TMEM132D: variants seen among roughly 807,000 people sequenced by gnomAD.
The protein encoded by TMEM132D is transmembrane protein 132D, also known as mature OL transmembrane protein.
A neutral mutation model predicts 62.3 loss-of-function variants in TMEM132D; 21 were observed. That is an observed-to-expected ratio of 0.34 (90% CI 0.24 to 0.49). TMEM132D has a LOEUF of 0.49. Ranked by LOEUF, TMEM132D falls within the 20% of genes least tolerant of loss-of-function variation. TMEM132D has a pLI of 0.99. For missense variants in TMEM132D, 1,346 were observed against 1,402.8 expected (o/e 0.96, Z 0.65); for synonymous variants, 621 against 575.6 (o/e 1.08, Z -1.13).
chr12:129,151,410 G>A lies in TMEM132D; in HGVS notation c.1443+58110C>T, dbSNP rs76510702. Among the ~76,000 whole-genome samples, 308 of 152,308 alleles carry A rather than the reference G, an allele frequency of 2.0e-3. 1 individual carries two copies. Among genetic ancestry groups the A allele is most frequent in the African/African-American group, 7.2e-3 (298 of 41,568 alleles). ...GTGAGCATGATCAACTGAAGGGGAC[G>A]TGAGGTGCAGAGAGGGGGCTGGGAG... On this transcript the variant is annotated intron_variant, in intron 5 of 8. Transcript: ENST00000422113.
At chr12:129,797,215 C>T (rs140507445) in intron 1 of TMEM132D, among the ~76,000 whole-genome samples, 28 of 152,272 alleles carry the variant, frequency 1.8e-4, no homozygotes, top group African/African-American at 6.7e-4. Flanking sequence ...CCCCTCTTTA[C>T]TTTCAGGGTC....
intron 2 of TMEM132D, among the ~76,000 whole-genome samples, chr12:129,577,625 T>C (rs1392468406): frequency 2.0e-5 from 3 of 151,898 alleles, no homozygotes; most frequent in Admixed American, 6.6e-5. Flanking sequence ...CTGCATATAT[T>C]ATTTGCATTC....
intron 5 of TMEM132D, among the ~76,000 whole-genome samples, chr12:129,184,012 A>T (rs1221678527): frequency 6.6e-6 from 1 of 152,180 alleles, no homozygotes; most frequent in Non-Finnish European, 1.5e-5. Flanking sequence ...AGAAGGGGCA[A>T]ATCTTTCTGT....
At chr12:129,734,220 C>T (rs537440300) in intron 1 of TMEM132D, among the ~76,000 whole-genome samples, 59 of 152,244 alleles carry the variant, frequency 3.9e-4, no homozygotes, top group African/African-American at 1.2e-3. Flanking sequence ...TGGTATTTGA[C>T]CTAAGGAAAG....
At chr12:129,087,876 T>A (rs1414763597) in intron 5 of TMEM132D, among the ~76,000 whole-genome samples, 2 of 127,218 alleles carry the variant, frequency 1.6e-5, no homozygotes, top group Non-Finnish European at 3.2e-5. Context: ...CATGACCGGG[T>A]GTCCTCCCTG....
At chr12:129,232,701 T>C (rs1242520180) in intron 4 of TMEM132D, among the ~76,000 whole-genome samples, 2 of 152,184 alleles carry the variant, frequency 1.3e-5, no homozygotes, top group Non-Finnish European at 2.9e-5. Flanking sequence ...AACTGGGTAA[T>C]TTATAAACAA....
At chr12:129,191,941 A>G (rs4964857) in intron 5 of TMEM132D, among the ~76,000 whole-genome samples, 141,716 of 152,330 alleles carry the variant, frequency 0.93, 66,052 homozygotes, top group East Asian at 0.96. Context: ...TGTTTATGCC[A>G]AAGACTCTTC....
intron 2 of TMEM132D, among the ~76,000 whole-genome samples, chr12:129,668,429 T>C (rs1255691517): frequency 6.6e-6 from 1 of 151,590 alleles, no homozygotes; most frequent in Non-Finnish European, 1.5e-5. Flanking sequence ...TTTGGTCCTT[T>C]TCAAAAGACA....
chr12:129,135,813 C>T (rs61944808), intron 5 of TMEM132D, among the ~76,000 whole-genome samples: 27,653 of 152,072 alleles, frequency 0.18, 2,690 homozygotes, highest in African/African-American at 0.22. Flanking sequence ...GCTGATAGAC[C>T]GTATCAGCTC....
At chr12:129,747,259 G>C (rs1399293681) in intron 1 of TMEM132D, among the ~76,000 whole-genome samples, 2 of 37,770 alleles carry the variant, frequency 5.3e-5, no homozygotes, top group African/African-American at 1.3e-4. Context: ...CGGGGCAGCT[G>C]CCAGCCCAGC....
intron 1 of TMEM132D, among the ~76,000 whole-genome samples, chr12:129,710,001 C>T (rs1881602743): frequency 6.6e-6 from 1 of 152,076 alleles, no homozygotes; most frequent in Non-Finnish European, 1.5e-5. Flanking sequence ...ATGACCAGCC[C>T]TAGCAAATGA....
At chr12:129,524,676 C>T (rs11060397) in intron 3 of TMEM132D, among the ~76,000 whole-genome samples, 42,889 of 151,598 alleles carry the variant, frequency 0.28, 6,281 homozygotes, top group Non-Finnish European at 0.32. Flanking sequence ...GGTCACAGGA[C>T]GCAGGTTTTA....
At chr12:129,706,280 T>C (rs1399422755) in intron 1 of TMEM132D, among the ~76,000 whole-genome samples, 2 of 151,834 alleles carry the variant, frequency 1.3e-5, no homozygotes, top group Admixed American at 6.5e-5. Context: ...ATTTTAAAAA[T>C]TAATGAATAA....
chr12:129,685,167 C>T (rs566346637), intron 2 of TMEM132D, among the ~76,000 whole-genome samples: 48 of 152,158 alleles, frequency 3.2e-4, no homozygotes, highest in Non-Finnish European at 5.0e-4. Flanking sequence ...GCCTAAGTAA[C>T]GGGGAGCCAA....
intron 2 of TMEM132D, among the ~76,000 whole-genome samples, chr12:129,552,959 G>A (rs980755566): frequency 6.6e-6 from 1 of 152,070 alleles, no homozygotes; most frequent in South Asian, 2.1e-4. Context: ...GTCATCCACG[G>A]TCCAGATCCA....
intron 4 of TMEM132D, among the ~76,000 whole-genome samples, chr12:129,311,902 T>C (rs150046170): frequency 2.6e-5 from 4 of 152,238 alleles, no homozygotes; most frequent in South Asian, 2.1e-4. Context: ...TCAAACAGGC[T>C]TGTGGGGACC....
chr12:129,869,313 C>A (rs536861128), intron 1 of TMEM132D, among the ~76,000 whole-genome samples: 4 of 152,300 alleles, frequency 2.6e-5, no homozygotes, highest in Admixed American at 2.6e-4. Flanking sequence ...TTTTCAGCTT[C>A]AATCCCTTGG....
chr12:129,210,678 G>A (rs1879014384), intron 4 of TMEM132D, among the ~76,000 whole-genome samples: 1 of 151,922 alleles, frequency 6.6e-6, no homozygotes, highest in Non-Finnish European at 1.5e-5. Context: ...AGCTCCATGG[G>A]GCTGTATCTG....
At chr12:129,685,131 G>T (rs1276174803) in intron 2 of TMEM132D, among the ~76,000 whole-genome samples, 5 of 152,300 alleles carry the variant, frequency 3.3e-5, no homozygotes, top group African/African-American at 9.6e-5. Context: ...TTTCTGAGGA[G>T]AAATTTAAGC....
Sources: allele counts gnomAD v4.1 joint callset (sites outside exome capture counted in the v4.1 genomes callset), GRCh38; gene constraint gnomAD v4.1.1; transcripts MANE v1.5; gene names NCBI Gene and HGNC (gene_info 2026-07-23, HGNC 2026-07-21).